MMD: variants seen among roughly 807,000 people sequenced by gnomAD.
The protein encoded by MMD is monocyte to macrophage differentiation associated.
MMD carries 22 observed loss-of-function variants against 33.6 expected under a neutral mutation model. The observed-to-expected ratio is 0.66, with a 90% CI of 0.47 to 0.94. MMD has a LOEUF of 0.94. MMD is among the 40% of genes least tolerant of loss of function. The probability of loss-of-function intolerance (pLI) is 0.00; values close to 1 mark genes in which losing one functional copy is unlikely to be tolerated. For synonymous variants in MMD, 97 were observed against 103.2 expected (o/e 0.94, Z 0.36); for missense variants, 242 against 309.8 (o/e 0.78, Z 1.64).
At chr17:55,399,507 C>T (rs1907246472) in intron 6 of MMD, among the ~76,000 whole-genome samples, 1 of 152,204 alleles carries the variant, frequency 6.6e-6, no homozygotes, top group South Asian at 2.1e-4. Flanking sequence ...TTTTATGTTA[C>T]AAACAATGAG....
chr17:55,411,909 T>G (rs1907779889), intron 2 of MMD, among the ~76,000 whole-genome samples: 1 of 152,078 alleles, frequency 6.6e-6, no homozygotes, highest in South Asian at 2.1e-4. Flanking sequence ...AGACTCTGTA[T>G]CTACAAAAAT....
intron 1 of MMD, among the ~76,000 whole-genome samples, chr17:55,414,556 T>TCACTCA (rs1491097670): frequency 8.1e-6 from 1 of 122,922 alleles, no homozygotes; most frequent in Non-Finnish European, 1.7e-5. Flanking sequence ...CCTCCTCCAT[T>TCACTCA]CACACACACA....
intron 1 of MMD, among the ~76,000 whole-genome samples, chr17:55,417,548 T>C (rs1490293245): frequency 2.6e-5 from 4 of 152,074 alleles, no homozygotes; most frequent in Admixed American, 2.6e-4. Flanking sequence ...CCCAGCACTT[T>C]TGGGGAGCTG....
intron 6 of MMD, among the ~76,000 whole-genome samples, chr17:55,399,603 C>G (rs1907249544): frequency 1.3e-5 from 2 of 152,242 alleles, no homozygotes; most frequent in Non-Finnish European, 2.9e-5. Context: ...ACACTTGCCT[C>G]ACCCCTACCA....
intron 5 of MMD, among the ~76,000 whole-genome samples, chr17:55,402,149 C>G (rs1032273512): frequency 5.3e-5 from 8 of 150,508 alleles, no homozygotes; most frequent in Non-Finnish European, 1.2e-4. Context: ...AAGTAGTTAT[C>G]GTTTAACCCA....
chr17:55,401,677 G>C (rs956648700), intron 5 of MMD, 139 bp from the exon 6 acceptor site: 5 of 637,206 alleles, frequency 7.8e-6, no homozygotes, highest in South Asian at 5.0e-5. Flanking sequence ...TTTCTCAGTA[G>C]GCAACCACTA....
At chr17:55,404,841 C>G (rs1435814842) in intron 4 of MMD, 1 of 777,448 alleles carries the variant, frequency 1.3e-6, no homozygotes, top group African/African-American at 1.9e-5. Flanking sequence ...GCAGGCAGAT[C>G]ACTTCAGGTC....
chr17:55,397,759 C>T (rs557862025), intron 6 of MMD, among the ~76,000 whole-genome samples: 1 of 152,196 alleles, frequency 6.6e-6, no homozygotes, highest in Admixed American at 6.5e-5. Flanking sequence ...CCAGGCTGGT[C>T]TTGAACTCCT....
At chr17:55,415,631 T>G (rs1477161079) in intron 1 of MMD, among the ~76,000 whole-genome samples, 2 of 152,198 alleles carry the variant, frequency 1.3e-5, no homozygotes, top group Non-Finnish European at 2.9e-5. Context: ...GAGCCTGTTA[T>G]CGTTAGATCA....
rs1283172541 is a variant in MMD, at chr17:55,393,752, G to A, written c.*582C>T. 2 of 152,542 alleles carry A rather than the reference G, an allele frequency of 1.3e-5. No homozygotes were observed. Among genetic ancestry groups the A allele is most frequent in the Non-Finnish European group, 2.9e-5 (2 of 68,028 alleles). 9.4% of individuals were successfully genotyped at this position (152,542 alleles called of 1,614,324 possible). ...AGAGGTATAATGTTTGTTCGTTTGTGGAATGTTGACTGCTTGCTGCAAAAA... is the reference window on the plus strand; with the variant it reads ...AGAGGTATAATGTTTGTTCGTTTGTAGAATGTTGACTGCTTGCTGCAAAAA... On this transcript the variant is annotated 3_prime_UTR_variant, in exon 7 of 7. Coordinates refer to ENST00000262065, the MANE Select transcript of MMD (RefSeq NM_012329.3).
rs1190662903 is a variant in MMD, at chr17:55,411,360, A to G, written c.166T>C (p.Cys56Arg). ...ATCCATGCTGTTATCTTTTCCCAGC[A>G]GTCATCAGACAGCCGATGGAGGAGG... Reference protein sequence around the residue: ...SALLHRLSDDCWEKITAWIYG... With the variant: ...SALLHRLSDDRWEKITAWIYG... Residue 56 changes from cysteine to arginine, a missense_variant, in exon 3 of 7, where the codon TGC becomes CGC. By Grantham distance (180) the Cys-to-Arg change is radical. Coordinates refer to ENST00000262065, the MANE Select transcript of MMD (RefSeq NM_012329.3). 1 of 1,614,086 alleles carries G rather than the reference A, an allele frequency of 6.2e-7. No individual in the cohort carries two copies. The highest frequency in any genetic ancestry group is 1.1e-5 in the South Asian group (1 of 91,076).
intron 6 of MMD, among the ~76,000 whole-genome samples, chr17:55,396,394 G>A (rs1907099419): frequency 6.6e-6 from 1 of 152,072 alleles, no homozygotes; most frequent in African/African-American, 2.4e-5. Flanking sequence ...TGATGTAATT[G>A]TTATTATATA....
At chr17:55,403,616 C>T in intron 5 of MMD, 151 bp downstream of exon 5, 2 of 516,530 alleles carry the variant, frequency 3.9e-6, no homozygotes, top group South Asian at 3.0e-5. Flanking sequence ...TAATGAATAC[C>T]AAATGGTTTT....
rs1242736604 is a variant in MMD, at chr17:55,414,139, A to G, written c.108+12T>C. 1 of 1,613,386 alleles carries G rather than the reference A, an allele frequency of 6.2e-7. No individual in the cohort carries two copies. Among genetic ancestry groups the G allele is most frequent in the South Asian group, 1.1e-5 (1 of 91,046 alleles). On this transcript the variant is annotated intron_variant, in intron 2 of 6. Coordinates refer to ENST00000262065, the MANE Select transcript of MMD (RefSeq NM_012329.3). Reference sequence around the variant, plus strand: ...GTGGAAAGGATGGCAATGGTGGAAAACTTGTACTCACTGCGTGTGTGTAAC... The same window carrying G: ...GTGGAAAGGATGGCAATGGTGGAAAGCTTGTACTCACTGCGTGTGTGTAAC...
In MMD at chr17:55,401,543, A is replaced by C; in HGVS notation, c.447-5T>G. On this transcript the variant is annotated splice_polypyrimidine_tract_variant and splice_region_variant and intron_variant, in intron 5 of 6. Transcript: ENST00000262065. ...AAGAGTTCAACCACCTTATATCTGC[A>C]GGAACAAAAATGCAGTTAATTTAAC... The C allele has an allele frequency of 6.2e-7, 1 of 1,604,436 alleles. No homozygotes were observed. The highest frequency in any genetic ancestry group is 1.3e-5 in the African/African-American group (1 of 74,594).
At chr17:55,414,555 T>TCCAC (rs1567851499) in intron 1 of MMD, among the ~76,000 whole-genome samples, 1 of 58,518 alleles carries the variant, frequency 1.7e-5, no homozygotes, top group Non-Finnish European at 3.1e-5. Context: ...TCCTCCTCCA[T>TCCAC]TCACACACAC....
rs548927256 is a variant in MMD, at chr17:55,402,136, C to T, written c.447-598G>A. Among the ~76,000 whole-genome samples the T allele has an allele frequency of 1.7e-4, 26 of 151,368 alleles. 1 individual carries two copies. The South Asian group carries it at 5.3e-3, about 31-fold the overall frequency. On this transcript the variant is annotated intron_variant, in intron 5 of 6. Coordinates refer to ENST00000262065, the MANE Select transcript of MMD (RefSeq NM_012329.3). The stretch of plus-strand genomic sequence containing the variant: ...AAAAAAAAAAGAAAATGTTTTCTGC[C>T]AAAAGTAGTTATCGTTTAACCCACT...
chr17:55,395,961 T>C (rs1907083977), intron 6 of MMD, among the ~76,000 whole-genome samples: 2 of 152,200 alleles, frequency 1.3e-5, no homozygotes, highest in Admixed American at 6.5e-5. Context: ...ACCCCCTTAT[T>C]GCAGAGGTGA....
At chr17:55,395,901 G>T (rs986564336) in intron 6 of MMD, among the ~76,000 whole-genome samples, 1 of 152,126 alleles carries the variant, frequency 6.6e-6, no homozygotes, top group Admixed American at 6.6e-5. Context: ...CATCAGATTC[G>T]CAAAGGGGCA....
Sources: allele counts gnomAD v4.1 joint callset (sites outside exome capture counted in the v4.1 genomes callset), GRCh38; gene constraint gnomAD v4.1.1; transcripts MANE v1.5; gene names NCBI Gene and HGNC (gene_info 2026-07-23, HGNC 2026-07-21).